DCUN1D1: variants seen among roughly 807,000 people sequenced by gnomAD.
DCUN1D1 encodes the protein DCN1-like protein 1.
In DCUN1D1, 3 loss-of-function variants were observed where a neutral mutation model predicts 39.0. The ratio of observed to expected loss-of-function variants is 0.08; its 90% CI spans 0.04 to 0.20. The LOEUF (loss-of-function observed/expected upper bound fraction) is 0.20. DCUN1D1 is among the 10% of genes least tolerant of loss of function. The pLI, the probability that DCUN1D1 is intolerant of heterozygous loss-of-function variation, is 1.00. For missense variants in DCUN1D1, 158 were observed against 302.4 expected (o/e 0.52, Z 3.54); for synonymous variants, 82 against 96.3 (o/e 0.85, Z 0.87).
chr3:182,965,818 T>C, intron 1 of DCUN1D1, 65 bp from the exon 2 acceptor site: 4 of 1,025,398 alleles, frequency 3.9e-6, no homozygotes, highest in South Asian at 1.5e-5. Flanking sequence ...TATTTCTATA[T>C]GGCTAACTAA....
chr3:182,980,057 GC>G, intron 1 of DCUN1D1: 1 of 659,786 alleles, frequency 1.5e-6, no homozygotes, highest in Non-Finnish European at 1.9e-6. Context: ...CGGCTTCGGG[GC>G]GGGGGGAGGC....
At chr3:182,955,456 T>G in intron 4 of DCUN1D1, 1 of 540,654 alleles carries the variant, frequency 1.8e-6, no homozygotes. Flanking sequence ...GTCTACACGT[T>G]ATGAGATAAG....
upstream of DCUN1D1, among the ~76,000 whole-genome samples, chr3:182,984,681 C>G (rs561621098): frequency 6.6e-6 from 1 of 151,986 alleles, no homozygotes; most frequent in African/African-American, 2.4e-5. Context: ...CTCATAAATA[C>G]GTAAATACTT....
chr3:182,977,703 G>C (rs1261932536), intron 1 of DCUN1D1, among the ~76,000 whole-genome samples: 1 of 151,810 alleles, frequency 6.6e-6, no homozygotes, highest in East Asian at 2.0e-4. Flanking sequence ...CAAAGTGCTG[G>C]GATTACAGGC....
intron 1 of DCUN1D1, among the ~76,000 whole-genome samples, chr3:182,977,447 T>A (rs1376731768): frequency 1.3e-5 from 2 of 152,090 alleles, no homozygotes; most frequent in Admixed American, 1.3e-4. Flanking sequence ...TTGAACACTT[T>A]TTTTTTTTTG....
upstream of DCUN1D1, among the ~76,000 whole-genome samples, chr3:182,983,326 A>G (rs1411699579): frequency 6.6e-6 from 1 of 152,186 alleles, no homozygotes; most frequent in African/African-American, 2.4e-5. Context: ...ACTAACTCAT[A>G]TAACCTCACT....
intron 1 of DCUN1D1, among the ~76,000 whole-genome samples, chr3:182,972,549 G>A (rs1372709708): frequency 2.6e-5 from 4 of 152,114 alleles, no homozygotes; most frequent in Non-Finnish European, 5.9e-5. Flanking sequence ...GGTCGAGGGA[G>A]GAGGACTGCT....
At chr3:182,970,896 AG>A (rs1560178859) in intron 1 of DCUN1D1, among the ~76,000 whole-genome samples, 1 of 152,226 alleles carries the variant, frequency 6.6e-6, no homozygotes, top group East Asian at 1.9e-4. Context: ...CGAAGTCAAA[AG>A]TGCAGGAAAA....
intron 1 of DCUN1D1, among the ~76,000 whole-genome samples, chr3:182,974,203 G>A (rs974720899): frequency 6.6e-6 from 1 of 151,990 alleles, no homozygotes; most frequent in Non-Finnish European, 1.5e-5. Context: ...AGTGAGCCGA[G>A]ATTGCACCAC....
intron 4 of DCUN1D1, among the ~76,000 whole-genome samples, chr3:182,948,589 T>C (rs1726538960): frequency 6.6e-6 from 1 of 152,252 alleles, no homozygotes; most frequent in South Asian, 2.1e-4. Context: ...AGAAAGTGTT[T>C]AGTTTTTATG....
rs569541136 is a variant in DCUN1D1 at position 182,965,019 on chromosome 3, G to A, written c.220+518C>T. Among the ~76,000 whole-genome samples the A allele has an allele frequency of 4.1e-4, 62 of 152,232 alleles. 1 individual carries two copies. Among genetic ancestry groups the A allele is most frequent in the African/African-American group, 1.5e-3 (61 of 41,546 alleles). Reference sequence around the variant, plus strand: ...AACATAATTTGACTTTGGAGCACAAGTTATGCATAAAATAAATATCCCATT... The same window carrying A: ...AACATAATTTGACTTTGGAGCACAAATTATGCATAAAATAAATATCCCATT... On this transcript the variant is annotated intron_variant, in intron 2 of 6. Coordinates refer to ENST00000292782, the MANE Select transcript of DCUN1D1 (RefSeq NM_020640.4).
intron 1 of DCUN1D1, among the ~76,000 whole-genome samples, chr3:182,967,952 G>C (rs1034131071): frequency 1.3e-5 from 2 of 152,124 alleles, no homozygotes; most frequent in Non-Finnish European, 2.9e-5. Flanking sequence ...CCTCCTCTGA[G>C]GAACAAAGTA....
At chr3:182,979,874 T>C (rs563433449) in intron 1 of DCUN1D1, among the ~76,000 whole-genome samples, 11 of 152,004 alleles carry the variant, frequency 7.2e-5, no homozygotes, top group African/African-American at 2.2e-4. Context: ...AAACTCTCCT[T>C]CTCCAAAAGC....
At chr3:182,983,527 C>T (rs978260117), upstream of DCUN1D1, among the ~76,000 whole-genome samples, 1 of 152,152 alleles carries the variant, frequency 6.6e-6, no homozygotes, top group Non-Finnish European at 1.5e-5. Context: ...ACCAGCCTGG[C>T]CAACATGGCG....
intron 1 of DCUN1D1, among the ~76,000 whole-genome samples, chr3:182,970,110 T>C (rs1436652663): frequency 6.6e-6 from 1 of 151,950 alleles, no homozygotes; most frequent in African/African-American, 2.4e-5. Flanking sequence ...TTTTTTTAAT[T>C]AGCTGGTTGT....
At chr3:182,979,606 C>G (rs1323236673) in intron 1 of DCUN1D1, among the ~76,000 whole-genome samples, 1 of 147,886 alleles carries the variant, frequency 6.8e-6, no homozygotes, top group East Asian at 2.0e-4. Context: ...TTTTTCCCCC[C>G]CCCAAACAAA....
chr3:182,972,244 G>C (rs1325681399), intron 1 of DCUN1D1, among the ~76,000 whole-genome samples: 1 of 151,636 alleles, frequency 6.6e-6, no homozygotes, highest in African/African-American at 2.4e-5. Flanking sequence ...GGCACTCTAA[G>C]TCAGGGTTCC....
At chr3:182,978,233 T>C (rs897964892) in intron 1 of DCUN1D1, among the ~76,000 whole-genome samples, 1 of 151,670 alleles carries the variant, frequency 6.6e-6, no homozygotes, top group Non-Finnish European at 1.5e-5. Context: ...GCTCTGGAAA[T>C]GGGCTGCAGC....
At chr3:182,977,543 C>G (rs1055305077) in intron 1 of DCUN1D1, among the ~76,000 whole-genome samples, 1 of 151,994 alleles carries the variant, frequency 6.6e-6, no homozygotes, top group Non-Finnish European at 1.5e-5. Context: ...TCCAGTGATT[C>G]TCCCGCCTCA....
Sources: allele counts gnomAD v4.1 joint callset (sites outside exome capture counted in the v4.1 genomes callset), GRCh38; gene constraint gnomAD v4.1.1; transcripts MANE v1.5; gene names NCBI Gene and HGNC (gene_info 2026-07-23, HGNC 2026-07-21).